Variants in MGAT4C observed in about 807,000 individuals in gnomAD.
MGAT4C encodes alpha-1,3-mannosyl-glycoprotein 4-beta-N-acetylglucosaminyltransferase C.
A neutral mutation model predicts 40.1 loss-of-function variants in MGAT4C; 19 were observed. The ratio of observed to expected loss-of-function variants is 0.47; its 90% confidence interval spans 0.33 to 0.70. MGAT4C has a LOEUF of 0.70. MGAT4C is among the 30% of genes least tolerant of loss of function. MGAT4C has a pLI of 0.02. For synonymous variants in MGAT4C, 181 were observed against 187.1 expected (o/e 0.97, Z 0.27); for missense variants, 491 against 563.2 (o/e 0.87, Z 1.30).
chr12:86,663,086 G>A (rs1964018610), intron 2 of MGAT4C, among the ~76,000 whole-genome samples: 1 of 152,076 alleles, frequency 6.6e-6, no homozygotes, highest in Non-Finnish European at 1.5e-5. Context: ...ATAAGGGCCA[G>A]GAACTGTGGC....
intron 1 of MGAT4C, among the ~76,000 whole-genome samples, chr12:86,802,273 A>T (rs1952244208): frequency 6.6e-6 from 1 of 151,926 alleles, no homozygotes; most frequent in Non-Finnish European, 1.5e-5. Flanking sequence ...GTATGATTTT[A>T]TTTGATTCAT....
At chr12:86,740,055 T>C (rs1212580336) in intron 1 of MGAT4C, among the ~76,000 whole-genome samples, 5 of 151,098 alleles carry the variant, frequency 3.3e-5, no homozygotes, top group Admixed American at 2.7e-4. Flanking sequence ...TTCACAATCA[T>C]TATTTTTGAA....
Position 86,275,873 on chromosome 12 carries a change from G to A in MGAT4C, c.-57+58192C>T, listed in dbSNP as rs548247177. On this transcript the variant is annotated intron_variant, in intron 4 of 7. Coordinates refer to the MGAT4C transcript ENST00000548651. ...TCCCAGCACTTTGGGAGGCCGAGGC[G>A]GCGGATCACGACGTCAGGAGATCGA... 7.3e-5 allele frequency among the ~76,000 whole-genome samples: 11 copies of A among 150,342 alleles called. No homozygotes were observed. In the East Asian group the frequency reaches 1.4e-3, roughly 19 times the overall value.
chr12:86,610,495 T>C (rs2136473791), intron 2 of MGAT4C, among the ~76,000 whole-genome samples: 1 of 152,262 alleles, frequency 6.6e-6, no homozygotes, highest in South Asian at 2.1e-4. Context: ...ATGTATCTCA[T>C]TGCGTCATTC....
chr12:86,152,377 A>G (rs1052741231), intron 1 of MGAT4C, among the ~76,000 whole-genome samples: 2 of 152,154 alleles, frequency 1.3e-5, no homozygotes, highest in Non-Finnish European at 2.9e-5. Flanking sequence ...AGAGGGGCAA[A>G]TGCTGTGTCT....
intron 2 of MGAT4C, among the ~76,000 whole-genome samples, chr12:86,557,911 A>T (rs1959688233): frequency 6.6e-6 from 1 of 152,146 alleles, no homozygotes; most frequent in Admixed American, 6.5e-5. Flanking sequence ...AAAAATAATA[A>T]TCATATTAAG....
chr12:86,641,221 G>C (rs1343327961), intron 2 of MGAT4C, among the ~76,000 whole-genome samples: 1 of 151,796 alleles, frequency 6.6e-6, no homozygotes, highest in Non-Finnish European at 1.5e-5. Flanking sequence ...CCTTTGTAGG[G>C]ACATGGATGA....
intron 1 of MGAT4C, among the ~76,000 whole-genome samples, chr12:86,248,194 T>TTC (rs1952114775): frequency 2.1e-5 from 3 of 140,422 alleles, no homozygotes; most frequent in African/African-American, 2.7e-5. Flanking sequence ...ACCTAGTTTC[T>TTC]CTTCCTTCCT....
chr12:86,019,838 C>T (rs1473739393), intron 2 of MGAT4C, among the ~76,000 whole-genome samples: 1 of 152,078 alleles, frequency 6.6e-6, no homozygotes, highest in Non-Finnish European at 1.5e-5. Context: ...GAATGTTCTT[C>T]CATTTGTTTG....
At chr12:86,246,367 C>A (rs1475948875) in intron 1 of MGAT4C, among the ~76,000 whole-genome samples, 1 of 151,856 alleles carries the variant, frequency 6.6e-6, no homozygotes, top group African/African-American at 2.4e-5. Context: ...ATCCTGCAAC[C>A]TTCTAGAGAG....
chr12:86,838,905 G>T (rs1319453994), upstream of MGAT4C: 1 of 152,200 alleles, frequency 6.6e-6, no homozygotes, highest in Non-Finnish European at 1.5e-5. Context: ...CAGTGAAGAT[G>T]AATTGAAAAC....
At chr12:86,179,027 G>C (rs547633152) in intron 1 of MGAT4C, among the ~76,000 whole-genome samples, 3 of 152,280 alleles carry the variant, frequency 2.0e-5, no homozygotes, top group Admixed American at 2.0e-4. Context: ...TGGTTTGGCT[G>C]TGTCTCCAGC....
intron 2 of MGAT4C, among the ~76,000 whole-genome samples, chr12:86,701,666 C>T (rs1167711194): frequency 6.6e-6 from 1 of 152,100 alleles, no homozygotes; most frequent in Non-Finnish European, 1.5e-5. Flanking sequence ...ACATTTCTCA[C>T]TTTAAGTCAA....
chr12:86,441,482 T>C (rs1191944229), intron 2 of MGAT4C, among the ~76,000 whole-genome samples: 2 of 144,578 alleles, frequency 1.4e-5, no homozygotes, highest in African/African-American at 5.1e-5. Context: ...CACCTCCTAA[T>C]GCTTTCCCTC....
At chr12:86,053,828 T>G (rs896502609) in intron 1 of MGAT4C, among the ~76,000 whole-genome samples, 3 of 151,810 alleles carry the variant, frequency 2.0e-5, no homozygotes, top group African/African-American at 7.3e-5. Context: ...GACCAACAGG[T>G]ATATACATAA....
chr12:86,456,257 T>A lies in MGAT4C; in HGVS notation c.-228-20992A>T, dbSNP rs187498220. Reference sequence around the variant, plus strand: ...GTCGTCATCATCATCATCATCATGATGTTACAGAGAAATAAGGATAAAATC... The same window carrying A: ...GTCGTCATCATCATCATCATCATGAAGTTACAGAGAAATAAGGATAAAATC... On this transcript the variant is annotated intron_variant, in intron 2 of 7. Coordinates refer to the MGAT4C transcript ENST00000548651. Among the ~76,000 whole-genome samples the A allele has an allele frequency of 2.4e-3, 367 of 152,234 alleles. 7 individuals are homozygous for A. Among genetic ancestry groups the A allele is most frequent in the Admixed American group, 0.021 (314 of 15,282 alleles).
At chr12:86,122,500 A>T (rs925242553) in intron 1 of MGAT4C, among the ~76,000 whole-genome samples, 7 of 152,138 alleles carry the variant, frequency 4.6e-5, no homozygotes, top group Non-Finnish European at 1.0e-4. Context: ...GACACTTTTC[A>T]TCTTATCTAA....
chr12:86,488,284 G>A (rs1315376140), intron 2 of MGAT4C, among the ~76,000 whole-genome samples: 1 of 151,576 alleles, frequency 6.6e-6, no homozygotes. Flanking sequence ...AAATTAGCTG[G>A]GCATGGTGGC....
intron 1 of MGAT4C, among the ~76,000 whole-genome samples, chr12:86,774,112 C>T (rs1207294393): frequency 6.6e-6 from 1 of 151,380 alleles, no homozygotes. Flanking sequence ...CACCATCCTG[C>T]TCTGCTAATT....
Sources: allele counts gnomAD v4.1 joint callset (sites outside exome capture counted in the v4.1 genomes callset), GRCh38; gene constraint gnomAD v4.1.1; transcripts MANE v1.5; gene names NCBI Gene and HGNC (gene_info 2026-07-23, HGNC 2026-07-21).